Variants in MYBPC1 observed in about 807,000 individuals in gnomAD.
MYBPC1 encodes the protein myosin binding protein C1.
Under a neutral mutation model 147.1 loss-of-function variants are expected in MYBPC1, and 52 were observed. That is an observed-to-expected ratio of 0.35 (90% confidence interval 0.28 to 0.45). The LOEUF (loss-of-function observed/expected upper bound fraction) is 0.45, where lower values mean the gene tolerates loss of function less well. MYBPC1 is among the 20% of genes least tolerant of loss of function. The probability of loss-of-function intolerance (pLI) is 1.00; values close to 1 mark genes in which losing one functional copy is unlikely to be tolerated. For missense variants in MYBPC1, 1,228 were observed against 1,440.3 expected (o/e 0.85, Z 2.39); for synonymous variants, 477 against 475.9 (o/e 1.00, Z -0.03).
intron 30 of MYBPC1, among the ~76,000 whole-genome samples, chr12:101,683,797 A>G (rs1951179078): frequency 1.3e-5 from 2 of 152,140 alleles, no homozygotes; most frequent in South Asian, 4.1e-4. Context: ...AAGAGGAAAA[A>G]AGTAAGGTTC....
chr12:101,694,929 G>A, the MYBPC1 span, among the ~76,000 whole-genome samples: 1 of 152,080 alleles, frequency 6.6e-6, no homozygotes, highest in Admixed American at 6.5e-5. Context: ...GTTATTTACA[G>A]CTTTTAGTTA....
chr12:101,597,507 T>C (rs946777150), intron 1 of MYBPC1, among the ~76,000 whole-genome samples: 2 of 152,218 alleles, frequency 1.3e-5, no homozygotes, highest in Non-Finnish European at 1.5e-5. Context: ...CGTGGCCTAA[T>C]TCTGGGAGTT....
At chr12:101,681,594 T>TATA (rs1950997604) in intron 29 of MYBPC1, among the ~76,000 whole-genome samples, 22 of 13,592 alleles carry the variant, frequency 1.6e-3, no homozygotes, top group Non-Finnish European at 1.9e-3. Context: ...ATATATATAT[T>TATA]TTTTTTTTTT....
downstream of MYBPC1, among the ~76,000 whole-genome samples, chr12:101,687,477 T>C (rs993620665): frequency 6.6e-6 from 1 of 152,238 alleles, no homozygotes; most frequent in Non-Finnish European, 1.5e-5. Context: ...CTATCATTGT[T>C]GGGCGTTCCA....
rs1900232749 is a variant in MYBPC1 at position 101,677,364 on chromosome 12, A to T, written c.3079A>T (p.Thr1027Ser). ...TGGCCTCAGTGAGGATGCCACCATG[A>T]CTAAAGAGAGTGCAGTGATCGCCAG... ...MCGLSEDATM[T>S]KESAVIARDG... The change falls in exon 27 of 32, where the codon ACT (threonine) becomes TCT (serine). Residue 1027 changes from threonine to serine, a missense_variant. Coordinates refer to ENST00000361466, the MANE Select transcript of MYBPC1 (RefSeq NM_002465.4). 3 of 1,614,060 alleles carry T rather than the reference A, an allele frequency of 1.9e-6. No homozygotes were observed. Among genetic ancestry groups the T allele is most frequent in the South Asian group, 1.1e-5 (1 of 91,078 alleles).
Position 101,649,315 on chromosome 12 carries a change from G to A in MYBPC1, c.1252G>A (p.Val418Ile). 4 of 1,613,886 alleles carry A rather than the reference G, an allele frequency of 2.5e-6. No individual in the cohort carries two copies. The highest frequency in any genetic ancestry group is 2.5e-6 in the Non-Finnish European group (3 of 1,179,798). The change falls in exon 15 of 32, where the codon GTT becomes ATT. Residue 418 changes from valine (V) to isoleucine (I), a missense_variant. Physicochemically the swap from Val to Ile is conservative, Grantham distance 29. This residue lies in a region of MYBPC1 where 1,077 missense variants were observed against 1,314.2 expected (regional missense o/e 0.82). Transcript: ENST00000361466. ...PGPKSRYRIRVEGKKHILIIE... is the reference protein window; with the variant it reads ...PGPKSRYRIRIEGKKHILIIE... ...TCCAAAATCAAGATACCGAATTAGAGTTGAGGGTAAAAAACACATCTTGAT... is the reference window on the plus strand; with the variant it reads ...TCCAAAATCAAGATACCGAATTAGAATTGAGGGTAAAAAACACATCTTGAT...
intron 6 of MYBPC1, among the ~76,000 whole-genome samples, chr12:101,631,036 G>A (rs111876279): frequency 6.6e-6 from 1 of 152,094 alleles, no homozygotes. Context: ...ACAATGTCAC[G>A]TCCTCAGGGT....
intron 9 of MYBPC1, among the ~76,000 whole-genome samples, chr12:101,635,457 C>T (rs1437540735): frequency 6.6e-6 from 1 of 151,764 alleles, no homozygotes; most frequent in Non-Finnish European, 1.5e-5. Flanking sequence ...ATAAATAAAT[C>T]AAAACTTTAA....
At chr12:101,651,499 G>A in intron 16 of MYBPC1, 106 bp downstream of exon 16, 3 of 1,440,838 alleles carry the variant, frequency 2.1e-6, no homozygotes, top group Admixed American at 1.7e-5. Flanking sequence ...GCCATAGGGA[G>A]ATCATCTATT....
At chr12:101,659,859 A>T (rs779142704) in intron 19 of MYBPC1, 28 bp downstream of exon 19, 1 of 1,613,290 alleles carries the variant, frequency 6.2e-7, no homozygotes, top group Non-Finnish European at 8.5e-7. Context: ...ACGCACTTCT[A>T]GAATCAAGCT....
At chr12:101,598,370 T>G (rs1049568135) in intron 1 of MYBPC1, among the ~76,000 whole-genome samples, 8 of 152,118 alleles carry the variant, frequency 5.3e-5, no homozygotes, top group Admixed American at 5.2e-4. Context: ...AAAAGAAATT[T>G]TATCAACCTC....
rs763868038 is a variant in MYBPC1, at chr12:101,651,297, T to G, written c.1430T>G (p.Leu477Arg). ...QTVNLGKEIC[L>R]KCEISENIPG... ...GTAAATCTTGGAAAAGAAATCTGCC[T>G]GAAGTGTGAAATCTCTGAAAACATA... Residue 477 changes from leucine to arginine, a missense_variant, in exon 16 of 32, where the codon CTG becomes CGG. Around this residue, in one of 2 missense-constraint regions of MYBPC1, gnomAD observed 1,077 missense variants for 1,314.2 expected, o/e 0.82. Transcript: ENST00000361466. 6.2e-7 allele frequency: 1 copy of G among 1,614,090 alleles called. No homozygotes were observed. The highest frequency in any genetic ancestry group is 1.1e-5 in the South Asian group (1 of 91,088).
chr12:101,656,372 A>G (rs559985614), intron 18 of MYBPC1, among the ~76,000 whole-genome samples: 2 of 152,294 alleles, frequency 1.3e-5, no homozygotes, highest in East Asian at 3.8e-4. Context: ...TTTAAATGTC[A>G]ATGGTCCAAA....
At chr12:101,666,643 C>T (rs1443069663) in intron 22 of MYBPC1, 6 of 1,155,284 alleles carry the variant, frequency 5.2e-6, no homozygotes, top group African/African-American at 1.5e-5. Flanking sequence ...TCTTTGCACA[C>T]TTTGCATACT....
intron 2 of MYBPC1, 79 bp downstream of exon 2, chr12:101,614,610 G>A (rs1885390906): frequency 6.8e-7 from 1 of 1,480,816 alleles, no homozygotes; most frequent in African/African-American, 1.4e-5. Flanking sequence ...GCCTCCACGG[G>A]TGCTGTGAGC....
intron 18 of MYBPC1, 59 bp from the exon 19 acceptor site, chr12:101,659,613 T>C: frequency 6.3e-7 from 1 of 1,586,130 alleles, no homozygotes; most frequent in East Asian, 2.2e-5. Flanking sequence ...TATAGGAGAC[T>C]CTGAAGTAGC....
At chr12:101,680,640 A>T in intron 29 of MYBPC1, 111 bp downstream of exon 29, 2 of 1,300,134 alleles carry the variant, frequency 1.5e-6, no homozygotes, top group Non-Finnish European at 2.2e-6. Flanking sequence ...TGCTGCAGCG[A>T]GGGTGGGAGA....
chr12:101,662,713 G>A (rs1896773159), intron 21 of MYBPC1, among the ~76,000 whole-genome samples, 167 bp downstream of exon 21: 1 of 152,178 alleles, frequency 6.6e-6, no homozygotes, highest in Non-Finnish European at 1.5e-5. Context: ...TTAAAAAGTA[G>A]GTTTGGTCAA....
chr12:101,651,559 T>C (rs750993469), intron 16 of MYBPC1, among the ~76,000 whole-genome samples, 166 bp downstream of exon 16: 2 of 152,224 alleles, frequency 1.3e-5, no homozygotes, highest in Non-Finnish European at 2.9e-5. Flanking sequence ...CTCTGTTGTA[T>C]AGCATGTCCT....
Sources: gnomAD v4.1 joint callset for allele counts (sites outside exome capture counted in the v4.1 genomes callset) on GRCh38, gnomAD v4.1.1 for gene constraint, gnomAD v4.1.1 regional missense constraint, MANE v1.5 for transcripts, NCBI Gene and HGNC (gene_info 2026-07-23, HGNC 2026-07-21) for gene names.